TPST1: variants seen among roughly 807,000 people sequenced by gnomAD.
The protein encoded by TPST1 is tyrosylprotein sulfotransferase 1.
In TPST1, 20 loss-of-function variants were observed where a neutral mutation model predicts 34.8. The ratio of observed to expected loss-of-function variants is 0.57; its 90% confidence interval spans 0.40 to 0.84. The LOEUF (loss-of-function observed/expected upper bound fraction) is 0.84. TPST1 is among the 40% of genes least tolerant of loss of function. The pLI is 0.00. For missense variants in TPST1, 353 were observed against 455.5 expected (o/e 0.78, Z 2.05); for synonymous variants, 152 against 159.4 (o/e 0.95, Z 0.35).
intron 3 of TPST1, among the ~76,000 whole-genome samples, chr7:66,293,072 G>C (rs912990945): frequency 7.9e-5 from 12 of 152,070 alleles, no homozygotes; most frequent in African/African-American, 1.9e-4. Flanking sequence ...CAGGCGTGGT[G>C]GTGGGCGCCT....
chr7:66,250,651 G>A (rs1175401343), intron 2 of TPST1, among the ~76,000 whole-genome samples: 2 of 152,102 alleles, frequency 1.3e-5, no homozygotes, highest in African/African-American at 2.4e-5. Flanking sequence ...TGATGGTACC[G>A]AGCCCTATAT....
intron 3 of TPST1, among the ~76,000 whole-genome samples, chr7:66,347,867 T>C (rs571940671): frequency 3.3e-5 from 5 of 152,346 alleles, no homozygotes; most frequent in African/African-American, 1.2e-4. Flanking sequence ...CTAATAGTTT[T>C]TTTGGTGGAG....
intron 1 of TPST1, among the ~76,000 whole-genome samples, chr7:66,238,462 C>G (rs1019938951): frequency 2.1e-5 from 3 of 144,056 alleles, no homozygotes; most frequent in African/African-American, 7.7e-5. Flanking sequence ...TCAGTCAGTA[C>G]TGAAACAGTT....
At chr7:66,260,266 A>G (rs1432627506) in intron 2 of TPST1, among the ~76,000 whole-genome samples, 7 of 152,214 alleles carry the variant, frequency 4.6e-5, no homozygotes, top group African/African-American at 1.7e-4. Flanking sequence ...TTCATATTAC[A>G]CCTTATGCAC....
At chr7:66,215,764 T>A (rs1431253461) in intron 1 of TPST1, among the ~76,000 whole-genome samples, 1 of 138,170 alleles carries the variant, frequency 7.2e-6, no homozygotes, top group African/African-American at 2.7e-5. Flanking sequence ...TCCTGGTTTT[T>A]CTTTTTCTTT....
rs1244773173 is a variant in TPST1 at position 66,276,378 on chromosome 7, A to ATATATATATATATATATATATATATG, written c.846-10130_846-10129insATATATATATATATATATATATGTAT. ...TTAAAAACATTTCATATATATATAT[A>ATATATATATATATATATATATATATG]TATGTATTTTTTTGAGGCAGAGCCT... On this transcript the variant is annotated intron_variant, in intron 2 of 5. Transcript: ENST00000304842. 1.1e-4 allele frequency among the ~76,000 whole-genome samples: 15 copies of ATATATATATATATATATATATATATG among 138,840 alleles called. 1 individual carries two copies. The South Asian group carries it at 1.8e-3, about 17-fold the overall frequency. 91.1% of individuals were successfully genotyped at this position (138,840 alleles called of 152,430 possible).
chr7:66,222,423 C>T (rs974338379), intron 1 of TPST1, among the ~76,000 whole-genome samples: 3 of 151,726 alleles, frequency 2.0e-5, no homozygotes, highest in African/African-American at 4.8e-5. Flanking sequence ...TGTATTTTAT[C>T]TGGTGTTCAT....
At chr7:66,297,719 A>G (rs1421495257) in intron 3 of TPST1, among the ~76,000 whole-genome samples, 6 of 152,248 alleles carry the variant, frequency 3.9e-5, no homozygotes, top group South Asian at 2.1e-4. Flanking sequence ...GTTAGATTAA[A>G]TCCCTAAACC....
At chr7:66,301,061 ATC>A (rs756727888) in intron 3 of TPST1, among the ~76,000 whole-genome samples, 27 of 152,332 alleles carry the variant, frequency 1.8e-4, no homozygotes, top group Non-Finnish European at 3.5e-4. Flanking sequence ...CTCCTTGTAT[ATC>A]TCTATCAGAA....
chr7:66,327,094 A>T (rs755180034), intron 3 of TPST1, among the ~76,000 whole-genome samples: 2 of 152,212 alleles, frequency 1.3e-5, no homozygotes, highest in Non-Finnish European at 2.9e-5. Context: ...TTGTGTAATC[A>T]TATCTGGCTG....
chr7:66,260,135 G>A (rs540800601), intron 2 of TPST1, among the ~76,000 whole-genome samples: 3 of 152,146 alleles, frequency 2.0e-5, no homozygotes, highest in East Asian at 1.9e-4. Flanking sequence ...TCTCTTATCC[G>A]AAATGCTTGG....
chr7:66,300,505 A>G (rs1791292636), intron 3 of TPST1, among the ~76,000 whole-genome samples: 1 of 152,200 alleles, frequency 6.6e-6, no homozygotes, highest in South Asian at 2.1e-4. Context: ...TGAAATTTTG[A>G]CCTCCTCCCA....
intron 2 of TPST1, among the ~76,000 whole-genome samples, chr7:66,262,604 G>C (rs548145083): frequency 6.6e-6 from 1 of 152,234 alleles, no homozygotes; most frequent in Admixed American, 6.5e-5. Context: ...ATCCTGGAGA[G>C]AGGAGATGAG....
chr7:66,282,518 G>T (rs182952384), intron 2 of TPST1, among the ~76,000 whole-genome samples: 52 of 152,304 alleles, frequency 3.4e-4, no homozygotes, highest in Middle Eastern at 3.4e-3. Flanking sequence ...CTGTGTCTCC[G>T]TCTGTTAGTG....
At chr7:66,282,654 A>G (rs1195226465) in intron 2 of TPST1, among the ~76,000 whole-genome samples, 1 of 152,128 alleles carries the variant, frequency 6.6e-6, no homozygotes, top group Non-Finnish European at 1.5e-5. Flanking sequence ...AACATAAGCT[A>G]AATAACTAGA....
At chr7:66,328,886 CTATATATA>C (rs1554354127) in intron 3 of TPST1, among the ~76,000 whole-genome samples, 3 of 22,094 alleles carry the variant, frequency 1.4e-4, no homozygotes, top group Middle Eastern at 0.028. Flanking sequence ...CTCTCTCTCT[CTATATATA>C]TATATATATA....
chr7:66,201,705 AGCAGGGAGTGG>A (rs1789037323), upstream of TPST1, among the ~76,000 whole-genome samples: 1 of 151,694 alleles, frequency 6.6e-6, no homozygotes, highest in African/African-American at 2.4e-5. Flanking sequence ...AAAAAAAATT[AGCAGGGAGTGG>A]GTGGCGTGCA....
chr7:66,241,955 C>T (rs1790045232), intron 2 of TPST1, among the ~76,000 whole-genome samples: 2 of 152,184 alleles, frequency 1.3e-5, no homozygotes, highest in Non-Finnish European at 2.9e-5. Context: ...GATATAACCT[C>T]TCTTATTTTT....
the TPST1 span, among the ~76,000 whole-genome samples, chr7:66,199,573 C>T: frequency 2.0e-5 from 3 of 151,992 alleles, no homozygotes; most frequent in Non-Finnish European, 4.4e-5. Context: ...GGATTACAGT[C>T]GTGAGCCACT....
Sources: allele counts gnomAD v4.1 joint callset (sites outside exome capture counted in the v4.1 genomes callset), GRCh38; gene constraint gnomAD v4.1.1; transcripts MANE v1.5; gene names NCBI Gene and HGNC (gene_info 2026-07-23, HGNC 2026-07-21).